RPS6KA2: variants seen among roughly 807,000 people sequenced by gnomAD.
RPS6KA2 encodes ribosomal protein S6 kinase alpha-2.
RPS6KA2 carries 42 observed loss-of-function variants against 91.8 expected under a neutral mutation model. The observed-to-expected ratio is 0.46, with a 90% CI of 0.36 to 0.59. The LOEUF is 0.59. RPS6KA2 is among the 20% of genes least tolerant of loss of function. The probability of loss-of-function intolerance (pLI) is 0.00; values close to 1 mark genes in which losing one functional copy is unlikely to be tolerated. For missense variants in RPS6KA2, 798 were observed against 978.5 expected, an observed-to-expected ratio of 0.82 and a Z score of 2.46; for synonymous variants, 414 against 393.6, an observed-to-expected ratio of 1.05 and a Z score of -0.61.
intron 2 of RPS6KA2, among the ~76,000 whole-genome samples, chr6:166,714,176 G>T (rs1789947664): frequency 1.3e-5 from 2 of 152,220 alleles, no homozygotes; most frequent in Non-Finnish European, 2.9e-5. Context: ...CACGCTGTGG[G>T]GATGGGAAGA....
At chr6:166,810,459 G>C (rs1345672012) in intron 2 of RPS6KA2, among the ~76,000 whole-genome samples, 1 of 152,174 alleles carries the variant, frequency 6.6e-6, no homozygotes, top group Admixed American at 6.5e-5. Flanking sequence ...GATACATAGA[G>C]AGATGCATTA....
In RPS6KA2 at chr6:166,626,199, G is replaced by A. The variant is rs900063830; in HGVS notation, c.99+722C>T. On this transcript the variant is annotated intron_variant, in intron 1 of 20. Transcript: ENST00000265678. This position sits in a 1 kb window ranked among gnomAD's most constrained non-coding sequence, Gnocchi z 4.1. The stretch of plus-strand genomic sequence containing the variant: ...AATAAGAGAATAAGATTTGATGGTT[G>A]AAATAAAACACACCACGAGAGAACC... Among the ~76,000 whole-genome samples the A allele has an allele frequency of 6.6e-6, 1 of 152,214 alleles. No homozygotes were observed. Among genetic ancestry groups the A allele is most frequent in the Admixed American group, 6.5e-5 (1 of 15,284 alleles).
chr6:166,642,357 G>T (rs189141609), intron 2 of RPS6KA2, among the ~76,000 whole-genome samples: 1 of 152,104 alleles, frequency 6.6e-6, no homozygotes, highest in Non-Finnish European at 1.5e-5. Context: ...GTAAACAATC[G>T]AAGAAAATTC....
At chr6:166,773,866 C>T (rs1778543960) in intron 2 of RPS6KA2, among the ~76,000 whole-genome samples, 2 of 152,218 alleles carry the variant, frequency 1.3e-5, no homozygotes, top group Admixed American at 6.5e-5. Context: ...TGCAAATGAT[C>T]GTCCTCCAGG....
intron 2 of RPS6KA2, among the ~76,000 whole-genome samples, chr6:166,537,675 G>T (rs749822826): frequency 6.6e-5 from 10 of 152,202 alleles, no homozygotes; most frequent in Admixed American, 3.9e-4. Flanking sequence ...TAAATTAACA[G>T]CAGCCACATG....
chr6:166,684,707 A>T (rs1227775727), intron 2 of RPS6KA2, among the ~76,000 whole-genome samples: 1 of 152,146 alleles, frequency 6.6e-6, no homozygotes, highest in East Asian at 1.9e-4. Flanking sequence ...CGTTGGATGT[A>T]TCCACAGTGC....
At chr6:166,808,368 A>G (rs1779544703) in intron 2 of RPS6KA2, among the ~76,000 whole-genome samples, 1 of 151,954 alleles carries the variant, frequency 6.6e-6, no homozygotes, top group Non-Finnish European at 1.5e-5. Context: ...AGCATGTCCA[A>G]CTCTACCTGG....
intron 2 of RPS6KA2, among the ~76,000 whole-genome samples, chr6:166,791,203 A>G (rs1163112078): frequency 6.6e-6 from 1 of 152,164 alleles, no homozygotes; most frequent in African/African-American, 2.4e-5. Flanking sequence ...AAAAAAAGCA[A>G]GGGTCGCAAT....
chr6:166,581,876 G>A (rs75896509), intron 1 of RPS6KA2, among the ~76,000 whole-genome samples: 6,423 of 93,140 alleles, frequency 0.069, no homozygotes, highest in East Asian at 0.18. Flanking sequence ...TGGGCAGGAG[G>A]GCACGGGGAG....
intron 12 of RPS6KA2, among the ~76,000 whole-genome samples, chr6:166,455,927 G>A (rs1221505753): frequency 6.6e-6 from 1 of 152,264 alleles, no homozygotes; most frequent in Non-Finnish European, 1.5e-5. Context: ...CAGAGCTTGA[G>A]CTTATTCTGG....
chr6:166,572,559 C>G (rs1383515427), intron 1 of RPS6KA2, among the ~76,000 whole-genome samples: 1 of 152,234 alleles, frequency 6.6e-6, no homozygotes, highest in Non-Finnish European at 1.5e-5. Flanking sequence ...TCTCACATAG[C>G]TCTCATTGCC....
chr6:166,790,658 G>A (rs946351049), intron 2 of RPS6KA2, among the ~76,000 whole-genome samples: 107 of 152,308 alleles, frequency 7.0e-4, no homozygotes, highest in African/African-American at 2.2e-3. Flanking sequence ...TACTAACAGC[G>A]GATCTCTCGG....
At chr6:166,488,705 G>T in intron 10 of RPS6KA2, 128 bp downstream of exon 10, 1 of 661,052 alleles carries the variant, frequency 1.5e-6, no homozygotes, top group Non-Finnish European at 2.7e-6. Flanking sequence ...ACCTCTAGGT[G>T]AGGTCTGTTT....
chr6:166,413,887 C>G lies in RPS6KA2; in HGVS notation c.1983G>C (p.Leu661=), dbSNP rs1186547271. 1.2e-6 allele frequency: 2 copies of G among 1,614,006 alleles called. No individual in the cohort carries two copies. The highest frequency in any genetic ancestry group is 2.2e-5 in the East Asian group (1 of 44,902). The change falls in exon 20 of 21, where the codon CTG becomes CTC. Residue 661 remains leucine, a synonymous_variant. Coordinates refer to ENST00000265678, the MANE Select transcript of RPS6KA2 (RefSeq NM_021135.6). ...GGTGTTTGAGCACTTGCATCGCCGT[C>G]AGGCGCTGATGAGGGTCCACGTGGA... The part of the protein sequence containing the change: ...KMLHVDPHQR[L]TAMQVLKHPW...
rs903778615 is a variant in RPS6KA2, at chr6:166,666,083, C to T, written c.124-127299G>A. Among the ~76,000 whole-genome samples, 7 of 152,220 alleles carry T rather than the reference C, an allele frequency of 4.6e-5. No homozygotes were observed. The highest frequency in any genetic ancestry group is 1.7e-4 in the African/African-American group (7 of 41,450). The stretch of plus-strand genomic sequence containing the variant: ...AGAAAAGTTATTGAAAGCCAATCTT[C>T]TCCCAGCTGATTGATCCGCAAATGA... On this transcript the variant is annotated intron_variant, in intron 2 of 21. Transcript: ENST00000503859. The surrounding 1 kb of genome is among the most constrained non-coding windows in gnomAD (Gnocchi z 4.0).
At chr6:166,432,831 C>A (rs112344196) in intron 14 of RPS6KA2, among the ~76,000 whole-genome samples, 2,842 of 152,044 alleles carry the variant, frequency 0.019, 90 homozygotes, top group African/African-American at 0.065. Flanking sequence ...CTGGTCTCTA[C>A]TAAAAATACA....
chr6:166,608,710 T>A (rs1362699065), intron 1 of RPS6KA2, among the ~76,000 whole-genome samples: 1 of 152,178 alleles, frequency 6.6e-6, no homozygotes, highest in African/African-American at 2.4e-5. Context: ...CCTCACAAGT[T>A]TTCTATTTCT....
At chr6:166,746,604 C>T (rs1224592109) in intron 2 of RPS6KA2, among the ~76,000 whole-genome samples, 1 of 152,194 alleles carries the variant, frequency 6.6e-6, no homozygotes, top group Non-Finnish European at 1.5e-5. Context: ...GGGCTCAGTC[C>T]CAGAAGGCTA....
rs1583096745 is a variant in RPS6KA2 at position 166,767,663 on chromosome 6, T to G, written c.123+90537A>C. ...CGCACTGCAGCTCCCTAAGTTGCTT[T>G]GCAAAGGACTGAGTTTGGGTCACCT... On this transcript the variant is annotated intron_variant, in intron 2 of 21. Transcript: ENST00000503859. The surrounding 1 kb of genome is among the most constrained non-coding windows in gnomAD (Gnocchi z 4.6). Among the ~76,000 whole-genome samples, 1 of 152,300 alleles carries G rather than the reference T, an allele frequency of 6.6e-6. No individual in the cohort carries two copies. The highest frequency in any genetic ancestry group is 1.9e-4 in the East Asian group (1 of 5,186).
Sources: gnomAD v4.1 joint callset for allele counts (sites outside exome capture counted in the v4.1 genomes callset) on GRCh38, gnomAD v4.1.1 for gene constraint, Gnocchi (gnomAD v3.1) non-coding constraint, MANE v1.5 for transcripts, NCBI Gene and HGNC (gene_info 2026-07-23, HGNC 2026-07-21) for gene names.